USP30: variants seen among roughly 807,000 people sequenced by gnomAD.
USP30 encodes ubiquitin carboxyl-terminal hydrolase 30.
Under a neutral mutation model 68.2 loss-of-function variants are expected in USP30, and 41 were observed. The observed-to-expected ratio is 0.60, with a 90% CI of 0.47 to 0.78. USP30 has a LOEUF of 0.78. Among genes scored for constraint, USP30 ranks in the 30% least tolerant of loss-of-function variants. The pLI is 0.00. For missense variants in USP30, 522 were observed against 649.4 expected (o/e 0.80, Z 2.13); for synonymous variants, 229 against 253.7 (o/e 0.90, Z 0.93).
At chr12:109,034,136 GT>G (rs2040502400) in intron 3 of USP30, among the ~76,000 whole-genome samples, 1 of 152,160 alleles carries the variant, frequency 6.6e-6, no homozygotes, top group Admixed American at 6.5e-5. Context: ...CAAAGGAATA[GT>G]GGTCTTCTCT....
At chr12:109,051,086 T>C (rs1203459270), upstream of USP30, among the ~76,000 whole-genome samples, 1 of 152,196 alleles carries the variant, frequency 6.6e-6, no homozygotes, top group Admixed American at 6.5e-5. Flanking sequence ...CCATGGGTTC[T>C]TGCTATGTTG....
upstream of USP30, among the ~76,000 whole-genome samples, chr12:109,050,944 C>T (rs145270687): frequency 7.4e-4 from 113 of 152,066 alleles, 1 homozygote; most frequent in Non-Finnish European, 4.3e-4. Flanking sequence ...GAGGCGAGAT[C>T]GTGCCATTGC....
In USP30 at chr12:109,070,153, A is replaced by G. The variant is rs1246695119; in HGVS notation, c.481-1459A>G. 6.6e-6 allele frequency among the ~76,000 whole-genome samples: 1 copy of G among 152,168 alleles called. No homozygotes were observed. The highest frequency in any genetic ancestry group is 2.4e-5 in the African/African-American group (1 of 41,426). ...TTAGAAAAGGAAGGCTGGAGGGGCAAGAATGCAAGCCGAGAGGAAAGGTGG... is the reference window on the plus strand; with the variant it reads ...TTAGAAAAGGAAGGCTGGAGGGGCAGGAATGCAAGCCGAGAGGAAAGGTGG... On this transcript the variant is annotated intron_variant, in intron 4 of 12. Coordinates refer to ENST00000257548, the MANE Select transcript of USP30 (RefSeq NM_032663.5). This position sits in a 1 kb window ranked among gnomAD's most constrained non-coding sequence, Gnocchi z 4.0.
intron 3 of USP30, among the ~76,000 whole-genome samples, chr12:109,066,403 C>T (rs1051201531): frequency 3.3e-5 from 5 of 151,996 alleles, no homozygotes; most frequent in South Asian, 2.1e-4. Context: ...GTAAACCACT[C>T]GGGTGGGTGC....
chr12:109,055,400 A>ATATATATATTTT lies in USP30; in HGVS notation c.84-1281_84-1280insATATATATTTTT, dbSNP rs1298811530. Reference sequence around the variant, plus strand: ...TATACATATATATATATATATATATATTTTTTTTTTTTTTTTTTTTGAGGC... The same window carrying ATATATATATTTT: ...TATACATATATATATATATATATATATATATATATTTTTTTTTTTTTTTTTTTTTTTTGAGGC... On this transcript the variant is annotated intron_variant, in intron 1 of 12. Coordinates refer to ENST00000257548, the MANE Select transcript of USP30 (RefSeq NM_032663.5). 6.1e-3 allele frequency among the ~76,000 whole-genome samples: 150 copies of ATATATATATTTT among 24,448 alleles called. 5 individuals carry two copies. The highest frequency in any genetic ancestry group is 0.016 in the African/African-American group (144 of 9,000). The allele number at this position is 24,448 out of a possible 152,430, so 16.0% of individuals were successfully genotyped here. A position where few individuals can be genotyped will look rare whatever the true frequency, so the allele number is the denominator to read the frequency against.
At position 109,085,733 on chromosome 12, in the gene USP30, CTT is replaced by C. The variant is rs773795397; in HGVS notation, c.1358_1359del (p.Phe453CysfsTer17). 1.9e-6 allele frequency: 3 copies of C among 1,614,268 alleles called. No homozygotes were observed. The highest frequency in any genetic ancestry group is 2.5e-6 in the Non-Finnish European group (3 of 1,180,044). ...ACCATGGAGACATGCACTCTGGACA[CTT>C]TGTCACTTACCGACGGTCCCCACCT... is the stretch of plus-strand genomic sequence containing the variant. ...VHHGDMHSGH[F>X]VTYRRSPPSA... On this transcript the variant is annotated frameshift_variant, in exon 13 of 13. Transcript: ENST00000257548. LOFTEE classifies it high-confidence loss of function.
At chr12:109,031,706 G>C (rs2040482191) in intron 3 of USP30, among the ~76,000 whole-genome samples, 1 of 152,190 alleles carries the variant, frequency 6.6e-6, no homozygotes, top group Non-Finnish European at 1.5e-5. Context: ...CTACAATATG[G>C]ATGAGGCTTG....
chr12:109,074,031 A>G (rs1019211420), intron 7 of USP30, among the ~76,000 whole-genome samples: 1 of 152,014 alleles, frequency 6.6e-6, no homozygotes, highest in Non-Finnish European at 1.5e-5. Flanking sequence ...ACCTCTCCCC[A>G]TCCTTTCCAT....
At chr12:109,063,668 ACATAAAAGTTCCAGTTT>A (rs2041152038) in intron 3 of USP30, among the ~76,000 whole-genome samples, 1 of 152,212 alleles carries the variant, frequency 6.6e-6, no homozygotes, top group Non-Finnish European at 1.5e-5. Context: ...CACCAGCAAT[ACATAAAAGTTCCAGTTT>A]CTCCTCACCA....
At chr12:109,045,677 A>G (rs2040597879) in intron 3 of USP30, among the ~76,000 whole-genome samples, 1 of 152,176 alleles carries the variant, frequency 6.6e-6, no homozygotes, top group African/African-American at 2.4e-5. Flanking sequence ...GAAACAGGGC[A>G]GTGCATGTAG....
At chr12:109,051,384 G>A (rs559016875), upstream of USP30, among the ~76,000 whole-genome samples, 1 of 150,216 alleles carries the variant, frequency 6.7e-6, no homozygotes, top group South Asian at 2.1e-4. Context: ...AGCCTCCCGA[G>A]TAGCTGGGAT....
intron 4 of USP30, among the ~76,000 whole-genome samples, chr12:109,068,643 G>A (rs1187078636): frequency 6.6e-6 from 1 of 152,196 alleles, no homozygotes; most frequent in African/African-American, 2.4e-5. Context: ...TAAACTGAGA[G>A]AATAACTTGG....
upstream of USP30, chr12:109,052,449 C>T (rs2040689353): frequency 1.7e-5 from 7 of 402,000 alleles, no homozygotes; most frequent in Middle Eastern, 1.2e-3. Flanking sequence ...CAACCGACGC[C>T]GGGGCCTGTT....
intron 7 of USP30, among the ~76,000 whole-genome samples, chr12:109,078,103 T>A (rs1257011590): frequency 2.6e-5 from 4 of 152,272 alleles, no homozygotes; most frequent in South Asian, 2.1e-4. Flanking sequence ...CTTAACTTTT[T>A]GAGGAACCTC....
chr12:109,075,087 C>T (rs2041555821), intron 7 of USP30, among the ~76,000 whole-genome samples: 1 of 152,136 alleles, frequency 6.6e-6, no homozygotes, highest in African/African-American at 2.4e-5. Flanking sequence ...TATGTGTATA[C>T]CACATTTTCT....
intron 7 of USP30, 121 bp downstream of exon 7, chr12:109,073,653 C>A: frequency 1.2e-6 from 1 of 830,022 alleles, no homozygotes; most frequent in Non-Finnish European, 2.0e-6. Flanking sequence ...CTGGCCTCTG[C>A]ACACTAGTGG....
At position 109,085,078 on chromosome 12, in the gene USP30, G is replaced by A; in HGVS notation, c.1289+5G>A. Reference sequence around the variant, plus strand: ...CCCAGTTGTTCCCGACTACAGGTGAGCCACCCTTTACAAGCCCCATCTTAG... The same window carrying A: ...CCCAGTTGTTCCCGACTACAGGTGAACCACCCTTTACAAGCCCCATCTTAG... On this transcript the variant is annotated splice_donor_5th_base_variant and intron_variant, in intron 12 of 12. Coordinates refer to ENST00000257548, the MANE Select transcript of USP30 (RefSeq NM_032663.5). The A allele has an allele frequency of 6.4e-7, 1 of 1,564,458 alleles. No individual in the cohort carries two copies. The highest frequency in any genetic ancestry group is 8.7e-7 in the Non-Finnish European group (1 of 1,151,776).
At chr12:109,066,423 C>T (rs1322253665) in intron 3 of USP30, among the ~76,000 whole-genome samples, 1 of 152,124 alleles carries the variant, frequency 6.6e-6, no homozygotes, top group Non-Finnish European at 1.5e-5. Context: ...CAGTGGCTTG[C>T]ACCTGTAATC....
intron 3 of USP30, among the ~76,000 whole-genome samples, chr12:109,033,269 A>G (rs2040495609): frequency 6.6e-6 from 1 of 152,252 alleles, no homozygotes; most frequent in Non-Finnish European, 1.5e-5. Flanking sequence ...GGTAGTCTTC[A>G]GTATGTATAA....
Sources: allele counts gnomAD v4.1 joint callset (sites outside exome capture counted in the v4.1 genomes callset), GRCh38; gene constraint gnomAD v4.1.1; non-coding constraint Gnocchi (gnomAD v3.1); transcripts MANE v1.5; gene names NCBI Gene and HGNC (gene_info 2026-07-23, HGNC 2026-07-21).